The following TMOD1 variants were observed in gnomAD, a reference collection of about 807,000 sequenced individuals.
The protein encoded by TMOD1 is tropomodulin-1.
A neutral mutation model predicts 40.6 loss-of-function variants in TMOD1; 17 were observed. The ratio of observed to expected loss-of-function variants is 0.42; its 90% CI spans 0.29 to 0.63. TMOD1 has a LOEUF of 0.63. TMOD1 is among the 20% of genes least tolerant of loss of function. The probability of loss-of-function intolerance (pLI) is 0.22; values close to 1 mark genes in which losing one functional copy is unlikely to be tolerated. For missense variants in TMOD1, 391 were observed against 447.6 expected, an observed-to-expected ratio of 0.87 and a Z score of 1.14; for synonymous variants, 181 against 175.0, an observed-to-expected ratio of 1.03 and a Z score of -0.27.
intron 8 of TMOD1, among the ~76,000 whole-genome samples, chr9:97,573,780 T>C (rs557933773): frequency 4.1e-4 from 63 of 152,158 alleles, no homozygotes; most frequent in African/African-American, 1.5e-3. Context: ...CCAGAGTGAG[T>C]GAGCCAAGTC....
At chr9:97,563,421 A>AT (rs1420861418) in intron 5 of TMOD1, among the ~76,000 whole-genome samples, 2 of 151,996 alleles carry the variant, frequency 1.3e-5, no homozygotes, top group Non-Finnish European at 2.9e-5. Context: ...CCAAACTTTC[A>AT]TTTTTTCGAA....
At chr9:97,535,866 A>G (rs1830174512) in intron 2 of TMOD1, among the ~76,000 whole-genome samples, 2 of 152,242 alleles carry the variant, frequency 1.3e-5, no homozygotes, top group African/African-American at 4.8e-5. Flanking sequence ...CATCAAGGTC[A>G]GGGCAGCTGA....
chr9:97,540,293 G>A (rs927135360), intron 2 of TMOD1, among the ~76,000 whole-genome samples: 2 of 152,188 alleles, frequency 1.3e-5, no homozygotes, highest in African/African-American at 4.8e-5. Flanking sequence ...TTAGTTTCTG[G>A]TAAAGACTTT....
intron 1 of TMOD1, among the ~76,000 whole-genome samples, chr9:97,522,365 G>C (rs541695109): frequency 6.6e-6 from 1 of 152,082 alleles, no homozygotes; most frequent in East Asian, 1.9e-4. Flanking sequence ...CAAATTTCCC[G>C]TTTATAAGGA....
chr9:97,532,881 T>C (rs978409189), intron 2 of TMOD1, among the ~76,000 whole-genome samples: 1 of 152,236 alleles, frequency 6.6e-6, no homozygotes, highest in Non-Finnish European at 1.5e-5. Context: ...ACCATTTACA[T>C]TTTCAGAACT....
In TMOD1 at chr9:97,527,105, G is replaced by A. The variant is rs554237485; in HGVS notation, c.120+2797G>A. On this transcript the variant is annotated intron_variant, in intron 2 of 9. Transcript: ENST00000259365. ...GCCTTGCATTTCTCTTTCTTCCCCC[G>A]CATCATCTCTCCCCATTAGCCTGTG... is the stretch of plus-strand genomic sequence containing the variant. Among the ~76,000 whole-genome samples the A allele has an allele frequency of 3.4e-3, 514 of 152,114 alleles. 3 individuals carry two copies. The highest frequency in any genetic ancestry group is 5.4e-3 in the Non-Finnish European group (370 of 67,998).
intron 2 of TMOD1, among the ~76,000 whole-genome samples, chr9:97,545,617 C>G (rs1252331403): frequency 6.6e-6 from 1 of 152,200 alleles, no homozygotes; most frequent in Non-Finnish European, 1.5e-5. Flanking sequence ...ATGCCCCGTC[C>G]TCCTCTTAGC....
At position 97,599,615 on chromosome 9, in the gene TMOD1, T is replaced by C. The variant is rs1564003392; in HGVS notation, c.1016-19T>C. On this transcript the variant is annotated intron_variant, in intron 9 of 9. Transcript: ENST00000259365. ...CTACAGGGAAAAGTGCCTTATATCT[T>C]ATCTCCATTCCTTTCCAGTGAGGAA... 1.2e-6 allele frequency: 2 copies of C among 1,613,992 alleles called. No homozygotes were observed. The highest frequency in any genetic ancestry group is 1.3e-5 in the African/African-American group (1 of 74,924).
intron 4 of TMOD1, among the ~76,000 whole-genome samples, chr9:97,561,438 C>T (rs1193040234): frequency 6.6e-6 from 1 of 152,186 alleles, no homozygotes; most frequent in Non-Finnish European, 1.5e-5. Flanking sequence ...GCCTGAGCTC[C>T]ACCCCCAGAT....
At chr9:97,519,899 C>A (rs1168324902) in intron 1 of TMOD1, among the ~76,000 whole-genome samples, 4 of 151,984 alleles carry the variant, frequency 2.6e-5, no homozygotes, top group Non-Finnish European at 5.9e-5. Flanking sequence ...ACCAGTCAAC[C>A]CCAGGCTACA....
In TMOD1 at chr9:97,509,517, T is replaced by C. The variant is rs1469842595; in HGVS notation, c.-49+7714T>C. On this transcript the variant is annotated intron_variant, in intron 1 of 9. Coordinates refer to ENST00000259365, the MANE Select transcript of TMOD1 (RefSeq NM_003275.4). ...TAATAGAGGTTTTTTTTTTTGTTTT[T>C]TGTTTTTTTTTTAGACAAGGTCTCA... 9.1e-5 allele frequency among the ~76,000 whole-genome samples: 11 copies of C among 121,530 alleles called. 1 individual carries two copies. In the East Asian group the frequency reaches 2.4e-3, roughly 27 times the overall value. The allele number at this position is 121,530 out of a possible 152,430, so 79.7% of individuals were successfully genotyped here. A position where few individuals can be genotyped will look rare whatever the true frequency, so the allele number is the denominator to read the frequency against.
chr9:97,506,091 T>C lies in TMOD1; in HGVS notation c.-49+4288T>C, dbSNP rs538810400. Among the ~76,000 whole-genome samples, 10 of 151,788 alleles carry C rather than the reference T, an allele frequency of 6.6e-5. No individual in the cohort carries two copies. The South Asian group carries it at 1.9e-3, about 28-fold the overall frequency. Reference sequence around the variant, plus strand: ...ATGGCAAAAGCATGCTGTGCCTTCATGCCTCCCTGCCTTTCCCCTGCTGTT... The same window carrying C: ...ATGGCAAAAGCATGCTGTGCCTTCACGCCTCCCTGCCTTTCCCCTGCTGTT... On this transcript the variant is annotated intron_variant, in intron 1 of 9. Coordinates refer to ENST00000259365, the MANE Select transcript of TMOD1 (RefSeq NM_003275.4).
chr9:97,530,052 G>A (rs1446234056), intron 2 of TMOD1, among the ~76,000 whole-genome samples: 1 of 152,210 alleles, frequency 6.6e-6, no homozygotes, highest in Non-Finnish European at 1.5e-5. Context: ...CCAGTAACCT[G>A]TGCTGTTAAC....
chr9:97,574,271 G>T (rs755618304), intron 8 of TMOD1, among the ~76,000 whole-genome samples: 1 of 152,004 alleles, frequency 6.6e-6, no homozygotes, highest in Non-Finnish European at 1.5e-5. Context: ...GGGCCAGCGC[G>T]TGTTCCGGGT....
rs1459378345 is a variant in TMOD1, at chr9:97,601,457, G to GAGTA, written c.*1763_*1766dup. 1 of 1,014,350 alleles carries GAGTA rather than the reference G, an allele frequency of 9.9e-7. No individual in the cohort carries two copies. Among genetic ancestry groups the GAGTA allele is most frequent in the Non-Finnish European group, 1.2e-6 (1 of 846,946 alleles). The allele number at this position is 1,014,350 out of a possible 1,614,324, so 62.8% of individuals were successfully genotyped here. On this transcript the variant is annotated 3_prime_UTR_variant, in exon 10 of 10. Coordinates refer to ENST00000259365, the MANE Select transcript of TMOD1 (RefSeq NM_003275.4). ...CAGAGAGAACATTTAAAAGCTCAGA[G>GAGTA]AGTAAGTGCTGGGGAAAGCAGAGCT...
rs947906549 is a variant in TMOD1, at chr9:97,599,240, A to G, written c.1016-394A>G. ...GGAGGTAGGCCAGGAGCTCCCAGAC[A>G]TAGCTGGGGGAAATGTTTCCACCTG... On this transcript the variant is annotated intron_variant, in intron 9 of 9. Transcript: ENST00000259365. 3.9e-5 allele frequency among the ~76,000 whole-genome samples: 6 copies of G among 152,196 alleles called. 1 individual carries two copies. The highest frequency in any genetic ancestry group is 3.9e-4 in the Admixed American group (6 of 15,282).
intron 8 of TMOD1, among the ~76,000 whole-genome samples, chr9:97,588,412 CT>C (rs1164516700): frequency 6.6e-6 from 1 of 152,046 alleles, no homozygotes; most frequent in Non-Finnish European, 1.5e-5. Context: ...TATTCAAATC[CT>C]TTGCTCATTT....
chr9:97,532,755 G>C (rs1017351735), intron 2 of TMOD1, among the ~76,000 whole-genome samples: 48 of 152,158 alleles, frequency 3.2e-4, no homozygotes, highest in Admixed American at 2.5e-3. Context: ...CATCATGTAA[G>C]TGACCTACAT....
chr9:97,524,333 C>A, intron 2 of TMOD1, 25 bp downstream of exon 2: 1 of 1,609,918 alleles, frequency 6.2e-7, no homozygotes, highest in Non-Finnish European at 8.5e-7. Context: ...AAGGGAAGCA[C>A]ATTGTCACTA....
Sources: allele counts gnomAD v4.1 joint callset (sites outside exome capture counted in the v4.1 genomes callset), GRCh38; gene constraint gnomAD v4.1.1; transcripts MANE v1.5; gene names NCBI Gene and HGNC (gene_info 2026-07-23, HGNC 2026-07-21).